The following FAM184B variants were observed in gnomAD, a reference collection of about 807,000 sequenced individuals.
The protein encoded by FAM184B is protein FAM184B.
FAM184B carries 111 observed loss-of-function variants against 135.9 expected under a neutral mutation model. The observed-to-expected ratio is 0.82, with a 90% CI of 0.70 to 0.96. The LOEUF (loss-of-function observed/expected upper bound fraction) is 0.96. Among genes scored for constraint, FAM184B ranks in the 40% least tolerant of loss-of-function variants. The probability of loss-of-function intolerance (pLI) is 0.00; values close to 1 mark genes in which losing one functional copy is unlikely to be tolerated. For synonymous variants in FAM184B, 552 were observed against 524.8 expected (o/e 1.05, Z -0.71); for missense variants, 1,375 against 1,323.9 (o/e 1.04, Z -0.60).
intron 9 of FAM184B, among the ~76,000 whole-genome samples, chr4:17,659,134 C>T (rs1447010858): frequency 1.4e-5 from 2 of 145,932 alleles, no homozygotes; most frequent in African/African-American, 2.5e-5. Flanking sequence ...GAGACAGGGT[C>T]TTGCTTTGTT....
intron 8 of FAM184B, among the ~76,000 whole-genome samples, chr4:17,662,409 C>T (rs1715939046): frequency 6.6e-6 from 1 of 151,944 alleles, no homozygotes; most frequent in Non-Finnish European, 1.5e-5. Context: ...ACAATCTCGG[C>T]TCGCTGCAAC....
rs1032900713 is a variant in FAM184B, at chr4:17,759,137, C to T, written c.141+22022G>A. Among the ~76,000 whole-genome samples the T allele has an allele frequency of 5.9e-5, 9 of 152,118 alleles. 1 individual carries two copies. The highest frequency in any genetic ancestry group is 2.1e-4 in the South Asian group (1 of 4,814). On this transcript the variant is annotated intron_variant, in intron 1 of 17. Coordinates refer to ENST00000265018, the MANE Select transcript of FAM184B (RefSeq NM_015688.2). Reference sequence around the variant, plus strand: ...AGAAGCCCAGTGCCATACATCTTGCCGGTTCTCAGGGGGCTGGCTTCTGTT... The same window carrying T: ...AGAAGCCCAGTGCCATACATCTTGCTGGTTCTCAGGGGGCTGGCTTCTGTT...
chr4:17,634,414 C>T (rs571492023), intron 16 of FAM184B, among the ~76,000 whole-genome samples: 1 of 152,300 alleles, frequency 6.6e-6, no homozygotes, highest in Admixed American at 6.5e-5. Context: ...ACCTCCGCCT[C>T]CTGGGTTCAA....
intron 1 of FAM184B, among the ~76,000 whole-genome samples, chr4:17,764,206 A>G (rs1718606339): frequency 6.6e-6 from 1 of 152,128 alleles, no homozygotes; most frequent in African/African-American, 2.4e-5. Flanking sequence ...AAGAGGGGAG[A>G]GATTAATCTT....
chr4:17,777,030 C>A (rs1303530498), intron 1 of FAM184B, among the ~76,000 whole-genome samples: 1 of 152,082 alleles, frequency 6.6e-6, no homozygotes, highest in Admixed American at 6.6e-5. Flanking sequence ...GGTATCTACC[C>A]AAGAACACAT....
At chr4:17,733,383 A>G (rs1194701975) in intron 1 of FAM184B, among the ~76,000 whole-genome samples, 3 of 152,212 alleles carry the variant, frequency 2.0e-5, no homozygotes, top group African/African-American at 7.2e-5. Context: ...GGAAAAGAGG[A>G]AGTCAAATTG....
intron 8 of FAM184B, among the ~76,000 whole-genome samples, chr4:17,663,452 TATCTA>T (rs1292081962): frequency 2.6e-5 from 4 of 152,134 alleles, no homozygotes; most frequent in Non-Finnish European, 4.4e-5. Flanking sequence ...CATGATCCTA[TATCTA>T]GAAAACCCAT....
intron 1 of FAM184B, among the ~76,000 whole-genome samples, chr4:17,717,101 G>A (rs1239810425): frequency 2.0e-5 from 3 of 152,150 alleles, no homozygotes; most frequent in African/African-American, 7.2e-5. Context: ...GAGAAACACT[G>A]CACCCTGCCC....
chr4:17,709,710 A>C, intron 1 of FAM184B, 66 bp from the exon 2 acceptor site: 1 of 1,371,252 alleles, frequency 7.3e-7, no homozygotes, highest in African/African-American at 1.5e-5. Context: ...CTGAGGGGAC[A>C]GAGCAATATT....
chr4:17,691,289 A>G (rs577760403), intron 6 of FAM184B, among the ~76,000 whole-genome samples: 3 of 152,192 alleles, frequency 2.0e-5, no homozygotes, highest in African/African-American at 7.2e-5. Flanking sequence ...TAGCACCTAC[A>G]TGGTAAAGTT....
chr4:17,632,495 T>C lies in FAM184B; in HGVS notation c.*37A>G, dbSNP rs1298964679. ...AATCGGATGATTTAAAATAAATGTT[T>C]TTCAAGTATCCTCTGTGATGTATCC... On this transcript the variant is annotated 3_prime_UTR_variant, in exon 18 of 18. Coordinates refer to ENST00000265018, the MANE Select transcript of FAM184B (RefSeq NM_015688.2). The C allele has an allele frequency of 1.9e-5, 27 of 1,446,650 alleles. No individual in the cohort carries two copies. The Middle Eastern group carries it at 5.2e-4, about 28-fold the overall frequency. The allele number at this position is 1,446,650 out of a possible 1,614,324, so 89.6% of individuals were successfully genotyped here. A position where few individuals can be genotyped will look rare whatever the true frequency, so the allele number is the denominator to read the frequency against.
At chr4:17,760,736 A>G (rs977660984) in intron 1 of FAM184B, among the ~76,000 whole-genome samples, 1 of 152,168 alleles carries the variant, frequency 6.6e-6, no homozygotes, top group African/African-American at 2.4e-5. Context: ...TGGGAGTCTG[A>G]TCCCTAAATC....
chr4:17,669,755 T>C (rs1342292949), intron 7 of FAM184B, among the ~76,000 whole-genome samples: 1 of 151,838 alleles, frequency 6.6e-6, no homozygotes, highest in African/African-American at 2.4e-5. Context: ...TAATGGGAGA[T>C]TTTAATATAC....
chr4:17,648,521 T>A (rs1459256947), intron 11 of FAM184B, among the ~76,000 whole-genome samples: 2 of 30,714 alleles, frequency 6.5e-5, no homozygotes, highest in Non-Finnish European at 9.9e-5. Context: ...ATTTTTGTAT[T>A]TTTTTTTTTT....
At chr4:17,755,810 A>G (rs1718406283) in intron 1 of FAM184B, among the ~76,000 whole-genome samples, 1 of 152,206 alleles carries the variant, frequency 6.6e-6, no homozygotes, top group African/African-American at 2.4e-5. Flanking sequence ...ACGCAGGAAC[A>G]GAAAACCAAA....
chr4:17,743,424 TG>T (rs1440103521), intron 1 of FAM184B, among the ~76,000 whole-genome samples: 5 of 152,210 alleles, frequency 3.3e-5, no homozygotes, highest in Non-Finnish European at 1.5e-5. Context: ...CTCTGGCTGC[TG>T]CGTTGAGAGC....
chr4:17,646,723 ATAT>A (rs1355010229), intron 12 of FAM184B, among the ~76,000 whole-genome samples: 1 of 151,070 alleles, frequency 6.6e-6, no homozygotes, highest in Non-Finnish European at 1.5e-5. Flanking sequence ...AGAACTTAAA[ATAT>A]AATAATAATA....
At chr4:17,682,129 C>T (rs917510783) in intron 7 of FAM184B, among the ~76,000 whole-genome samples, 3 of 152,174 alleles carry the variant, frequency 2.0e-5, no homozygotes, top group African/African-American at 7.2e-5. Context: ...CTCCCTTTTC[C>T]TTCTGGAGAG....
intron 1 of FAM184B, among the ~76,000 whole-genome samples, chr4:17,735,999 G>C (rs1717900140): frequency 6.6e-6 from 1 of 152,160 alleles, no homozygotes; most frequent in African/African-American, 2.4e-5. Context: ...TGATGATGGT[G>C]GTGATGATCT....
Sources: allele counts gnomAD v4.1 joint callset (sites outside exome capture counted in the v4.1 genomes callset), GRCh38; gene constraint gnomAD v4.1.1; transcripts MANE v1.5; gene names NCBI Gene and HGNC (gene_info 2026-07-23, HGNC 2026-07-21).